DEPDC4: variants seen among roughly 807,000 people sequenced by gnomAD.
The protein encoded by DEPDC4 is DEP domain-containing protein 4.
Under a neutral mutation model 52.0 loss-of-function variants are expected in DEPDC4, and 52 were observed. The ratio of observed to expected loss-of-function variants is 1.00; its 90% CI spans 0.80 to 1.26. The LOEUF (loss-of-function observed/expected upper bound fraction) is 1.26. Ranked by LOEUF, DEPDC4 falls within the 50% of genes most tolerant of loss-of-function variation. DEPDC4 has a pLI of 0.00. For synonymous variants in DEPDC4, 201 were observed against 196.8 expected (o/e 1.02, Z -0.18); for missense variants, 530 against 546.9 (o/e 0.97, Z 0.31).
chr12:100,264,677 T>A (rs1421618412), intron 1 of DEPDC4, among the ~76,000 whole-genome samples: 6 of 149,154 alleles, frequency 4.0e-5, no homozygotes, highest in Non-Finnish European at 5.9e-5. Context: ...AGACTCTGTC[T>A]CAAAAAAAAA....
upstream of DEPDC4, among the ~76,000 whole-genome samples, chr12:100,269,648 T>C (rs868310500): frequency 6.6e-6 from 1 of 152,116 alleles, no homozygotes; most frequent in Non-Finnish European, 1.5e-5. Flanking sequence ...TTAGAAATAG[T>C]GTTAGGGTGG....
At chr12:100,277,466 G>A in the DEPDC4 span, among the ~76,000 whole-genome samples, 3 of 152,222 alleles carry the variant, frequency 2.0e-5, no homozygotes, top group African/African-American at 7.2e-5. Context: ...ATTTAGTATT[G>A]TTATGTCTTT....
At chr12:100,267,168 A>C (rs899750580), upstream of DEPDC4, 288 of 1,396,956 alleles carry the variant, frequency 2.1e-4, no homozygotes, top group Non-Finnish European at 2.7e-4. Context: ...CCCGGCCGGC[A>C]GGTCTTTTAG....
chr12:100,259,828 T>C (rs934293268), intron 3 of DEPDC4, among the ~76,000 whole-genome samples: 9 of 152,202 alleles, frequency 5.9e-5, no homozygotes, highest in Admixed American at 3.3e-4. Flanking sequence ...TGCTATTTTT[T>C]TGTAACAAAA....
the DEPDC4 span, among the ~76,000 whole-genome samples, chr12:100,281,854 AG>A: frequency 6.6e-6 from 1 of 151,934 alleles, no homozygotes; most frequent in South Asian, 2.1e-4. Flanking sequence ...AAAAAAAGAA[AG>A]TACAAATTTA....
At position 100,267,034 on chromosome 12, in the gene DEPDC4, G is replaced by C; in HGVS notation, c.43C>G (p.Leu15Val). Residue 15 changes from leucine (L) to valine (V), a missense_variant, in exon 1 of 10, where the codon CTT (leucine) becomes GTT (valine). By Grantham distance (32) the Leu-to-Val change is conservative. Coordinates refer to ENST00000550587, the MANE Select transcript of DEPDC4 (RefSeq NM_001364818.2). The part of the protein sequence containing the change: ...EEPARELMAV[L>V]LTPRFRRLVS... Reference sequence around the variant, plus strand: ...AGTCTACGGAACCTCGGAGTCAAAAGAACCGCCATAAGCTCGCGCGCTGGC... The same window carrying C: ...AGTCTACGGAACCTCGGAGTCAAAACAACCGCCATAAGCTCGCGCGCTGGC... The C allele has an allele frequency of 6.2e-7, 1 of 1,613,614 alleles. No individual in the cohort carries two copies. Among genetic ancestry groups the C allele is most frequent in the East Asian group, 2.2e-5 (1 of 44,862 alleles).
the DEPDC4 span, among the ~76,000 whole-genome samples, chr12:100,279,139 G>T: frequency 2.5e-3 from 378 of 152,304 alleles, 1 homozygote; most frequent in African/African-American, 8.7e-3. Context: ...GACCGGATTC[G>T]TGGAAGACAG....
intron 3 of DEPDC4, among the ~76,000 whole-genome samples, chr12:100,256,645 G>GTT (rs781643551): frequency 7.8e-5 from 10 of 128,880 alleles, no homozygotes; most frequent in East Asian, 2.1e-4. Context: ...TGTGTTTTTT[G>GTT]TTTTTTTTTT....
Position 100,256,835 on chromosome 12 carries a change from G to T in DEPDC4, c.701-609C>A, listed in dbSNP as rs1015093018. On this transcript the variant is annotated intron_variant, in intron 3 of 9. Transcript: ENST00000550587. ...TTTTCGTGTTTTTAGTAGAGACGGGGTTTCACCGTGTTAGCTAGGATGGTC... is the reference window on the plus strand; with the variant it reads ...TTTTCGTGTTTTTAGTAGAGACGGGTTTTCACCGTGTTAGCTAGGATGGTC... Among the ~76,000 whole-genome samples the T allele has an allele frequency of 3.2e-4, 48 of 151,738 alleles. 1 individual carries two copies. The highest frequency in any genetic ancestry group is 1.9e-3 in the Admixed American group (29 of 15,222).
chr12:100,244,134 T>TATATATATATATATATATACAC (rs1403751762), intron 8 of DEPDC4, among the ~76,000 whole-genome samples: 8 of 121,792 alleles, frequency 6.6e-5, no homozygotes, highest in Admixed American at 9.0e-5. Flanking sequence ...TATATATATA[T>TATATATATATATATATATACAC]ACACAAAATA....
At position 100,241,603 on chromosome 12, in the gene DEPDC4, G is replaced by A; in HGVS notation, c.*289C>T. The A allele has an allele frequency of 1.1e-6, 1 of 915,090 alleles. No individual in the cohort carries two copies. Among genetic ancestry groups the A allele is most frequent in the South Asian group, 2.3e-5 (1 of 43,210 alleles). The allele number at this position is 915,090 out of a possible 1,614,324, so 56.7% of individuals were successfully genotyped here. On this transcript the variant is annotated 3_prime_UTR_variant, in exon 10 of 10. Transcript: ENST00000550587. ...TATGCTTTCTCTGAAGTGTAAGTAT[G>A]GCAATTTGAGAAAACCACCAGAGAA...
At chr12:100,235,332 ATTC>A, downstream of DEPDC4, among the ~76,000 whole-genome samples, 1 of 145,896 alleles carries the variant, frequency 6.9e-6, no homozygotes, top group South Asian at 2.2e-4. Context: ...CAGAGCCCAT[ATTC>A]TTTTTTTCTT....
chr12:100,261,191 A>G (rs1368088412), intron 3 of DEPDC4, among the ~76,000 whole-genome samples: 1 of 152,074 alleles, frequency 6.6e-6, no homozygotes. Flanking sequence ...AAAAAAAAAA[A>G]AAAAAAAAGA....
intron 2 of DEPDC4, 66 bp downstream of exon 2, chr12:100,263,431 G>T: frequency 7.6e-7 from 1 of 1,311,418 alleles, no homozygotes. Flanking sequence ...TTCGAGTTTA[G>T]CTCAATAAAG....
the DEPDC4 span, among the ~76,000 whole-genome samples, chr12:100,277,680 T>C: frequency 1.3e-5 from 2 of 152,216 alleles, no homozygotes; most frequent in South Asian, 2.1e-4. Context: ...GTAATTGAAA[T>C]TTTAAATTAT....
intron 3 of DEPDC4, among the ~76,000 whole-genome samples, chr12:100,259,047 G>A (rs1007019402): frequency 6.7e-6 from 1 of 149,248 alleles, no homozygotes; most frequent in Non-Finnish European, 1.5e-5. Context: ...CTCCAGCCTG[G>A]GCGACAGGGC....
At chr12:100,232,938 G>A (rs2096136721) in intron 9 of DEPDC4, among the ~76,000 whole-genome samples, 4 of 152,038 alleles carry the variant, frequency 2.6e-5, no homozygotes, top group Admixed American at 2.6e-4. Context: ...CAGGCCTGGC[G>A]GGTGAGAGGA....
the DEPDC4 span, among the ~76,000 whole-genome samples, chr12:100,275,755 G>A: frequency 6.6e-6 from 1 of 152,154 alleles, no homozygotes; most frequent in Non-Finnish European, 1.5e-5. Context: ...ACCTTGTTCT[G>A]AAACTTAGGG....
At chr12:100,275,382 T>C in the DEPDC4 span, among the ~76,000 whole-genome samples, 1 of 152,052 alleles carries the variant, frequency 6.6e-6, no homozygotes, top group Non-Finnish European at 1.5e-5. Flanking sequence ...TTAAAAACTT[T>C]TTGGAGTCTT....
Sources: allele counts gnomAD v4.1 joint callset (sites outside exome capture counted in the v4.1 genomes callset), GRCh38; gene constraint gnomAD v4.1.1; transcripts MANE v1.5; gene names NCBI Gene and HGNC (gene_info 2026-07-23, HGNC 2026-07-21).